CEP72: variants seen among roughly 807,000 people sequenced by gnomAD.
The protein encoded by CEP72 is centrosomal protein 72.
In CEP72, 78 loss-of-function variants were observed where a neutral mutation model predicts 65.7. That is an observed-to-expected ratio of 1.19 (90% CI 0.99 to 1.43). The LOEUF (loss-of-function observed/expected upper bound fraction) is 1.43, where lower values mean the gene tolerates loss of function less well. Among genes scored for constraint, CEP72 ranks in the 40% most tolerant of loss-of-function variants. The probability of loss-of-function intolerance (pLI) is 0.00; values close to 1 mark genes in which losing one functional copy is unlikely to be tolerated. For synonymous variants in CEP72, 358 were observed against 351.7 expected (o/e 1.02, Z -0.20); for missense variants, 914 against 832.9 (o/e 1.10, Z -1.20).
intron 11 of CEP72, among the ~76,000 whole-genome samples, chr5:648,711 T>TG (rs1456267791): frequency 1.0e-4 from 12 of 117,472 alleles, no homozygotes; most frequent in African/African-American, 4.0e-4. Context: ...ATGTGAGGCG[T>TG]GACTGTGAGG....
At chr5:660,050 C>T (rs1391927433), downstream of CEP72, 1 of 152,374 alleles carries the variant, frequency 6.6e-6, no homozygotes, top group Non-Finnish European at 1.5e-5. Flanking sequence ...GGCCACCCCA[C>T]CCCGCGGACG....
chr5:669,843 C>A (rs993396761), downstream of CEP72, among the ~76,000 whole-genome samples: 2 of 152,124 alleles, frequency 1.3e-5, no homozygotes, highest in South Asian at 2.1e-4. Context: ...TCTAGGACAG[C>A]GGTGCCTGCC....
downstream of CEP72, among the ~76,000 whole-genome samples, chr5:669,757 G>T (rs1429411467): frequency 1.3e-5 from 2 of 152,068 alleles, no homozygotes; most frequent in African/African-American, 4.8e-5. Context: ...AGGGCGCCCG[G>T]GTCTCTGCCC....
intron 9 of CEP72, chr5:643,613 G>C (rs114495201): frequency 0.11 from 107,750 of 985,192 alleles, 6,300 homozygotes; most frequent in South Asian, 0.24. Context: ...GCTGGGGCCT[G>C]CTCAGCACCC....
At chr5:635,291 C>A (rs1737509495) in intron 5 of CEP72, 81 bp from the exon 6 acceptor site, 6 of 1,127,686 alleles carry the variant, frequency 5.3e-6, no homozygotes, top group Non-Finnish European at 7.7e-6. Context: ...ATACACTATT[C>A]AGAAGCTTAA....
At chr5:618,189 GTA>G (rs1736118309) in intron 1 of CEP72, among the ~76,000 whole-genome samples, 1 of 152,148 alleles carries the variant, frequency 6.6e-6, no homozygotes, top group Non-Finnish European at 1.5e-5. Flanking sequence ...GGGAGAGGCA[GTA>G]AAGGTGGGAA....
intron 1 of CEP72, 127 bp from the exon 2 acceptor site, chr5:618,854 CAGGAGCCTG>C (rs1314614367): frequency 5.6e-6 from 4 of 715,154 alleles, no homozygotes; most frequent in African/African-American, 5.4e-5. Flanking sequence ...GGAGAAGATT[CAGGAGCCTG>C]AGTAAAGTTG....
In CEP72 at chr5:647,787, T is replaced by A; in HGVS notation, c.1667-18T>A. The A allele has an allele frequency of 6.4e-7, 1 of 1,566,908 alleles. No homozygotes were observed. The highest frequency in any genetic ancestry group is 8.7e-7 in the Non-Finnish European group (1 of 1,148,120). On this transcript the variant is annotated intron_variant, in intron 10 of 11. Transcript: ENST00000264935. ...GTTTTACTCATTAATGGTACTTTTTTTTTTCTTTCTCTTTCAGGACTTCAA... is the reference window on the plus strand; with the variant it reads ...GTTTTACTCATTAATGGTACTTTTTATTTTCTTTCTCTTTCAGGACTTCAA...
At chr5:635,089 C>G (rs572931097) in intron 5 of CEP72, among the ~76,000 whole-genome samples, 3 of 152,278 alleles carry the variant, frequency 2.0e-5, no homozygotes, top group East Asian at 1.9e-4. Flanking sequence ...TCTGGACTCT[C>G]TCTTCTGTTT....
At chr5:656,378 T>C (rs1014763837), downstream of CEP72, among the ~76,000 whole-genome samples, 4 of 152,202 alleles carry the variant, frequency 2.6e-5, no homozygotes, top group East Asian at 1.9e-4. Flanking sequence ...TTGGGAATCA[T>C]TGACGTACTT....
chr5:617,298 A>G (rs568543527), intron 1 of CEP72, among the ~76,000 whole-genome samples: 53 of 152,238 alleles, frequency 3.5e-4, no homozygotes, highest in African/African-American at 1.1e-3. Flanking sequence ...CAGTGGGTCT[A>G]ATATGCGGGA....
At chr5:669,160 G>A (rs1287715928), downstream of CEP72, among the ~76,000 whole-genome samples, 5 of 152,206 alleles carry the variant, frequency 3.3e-5, no homozygotes, top group African/African-American at 1.2e-4. Flanking sequence ...GGGGGCTTTG[G>A]GGAGACAGAG....
rs530371602 is a variant in CEP72, at chr5:641,202, G to A, written c.1539+598G>A. The A allele has an allele frequency of 5.1e-6, 5 of 985,290 alleles. 1 individual carries two copies. In the African/African-American group the frequency reaches 8.7e-5, roughly 17 times the overall value. The allele number at this position is 985,290 out of a possible 1,614,324, so 61.0% of individuals were successfully genotyped here. A position where few individuals can be genotyped will look rare whatever the true frequency, so the allele number is the denominator to read the frequency against. On this transcript the variant is annotated intron_variant, in intron 9 of 11. Coordinates refer to ENST00000264935, the MANE Select transcript of CEP72 (RefSeq NM_018140.4). ...GGGCTGGGGCCACCGTCTCATCTGA[G>A]GCCTCACGGGACAGGATCCTCCCAG... is the stretch of plus-strand genomic sequence containing the variant.
At chr5:642,150 A>G in intron 9 of CEP72, 1 of 904,516 alleles carries the variant, frequency 1.1e-6, no homozygotes, top group Non-Finnish European at 1.3e-6. Flanking sequence ...ATTTGAACAC[A>G]CGTGGTCCCC....
chr5:629,113 G>A (rs931877405), intron 4 of CEP72, among the ~76,000 whole-genome samples: 2 of 152,232 alleles, frequency 1.3e-5, no homozygotes, highest in African/African-American at 4.8e-5. Context: ...ACTGCCCTTG[G>A]GTTTGTTTTG....
At chr5:647,961 C>A in intron 11 of CEP72, 45 bp downstream of exon 11, 3 of 1,409,210 alleles carry the variant, frequency 2.1e-6, no homozygotes, top group Non-Finnish European at 3.0e-6. Context: ...GGGAGGAGGC[C>A]CAGGTACAGG....
chr5:658,716 T>C (rs2126844520), downstream of CEP72, among the ~76,000 whole-genome samples: 1 of 127,446 alleles, frequency 7.8e-6, no homozygotes, highest in East Asian at 2.8e-4. Context: ...TTGCCCAGGC[T>C]GGAGTGCAGT....
chr5:641,641 G>A (rs1320978831), intron 9 of CEP72: 1 of 979,748 alleles, frequency 1.0e-6, no homozygotes, highest in East Asian at 1.2e-4. Flanking sequence ...TTAAACACAT[G>A]TGGGCCTCCT....
rs1396805362 is a variant in CEP72, at chr5:635,573, C to T, written c.893C>T (p.Thr298Ile). Residue 298 changes from threonine to isoleucine, a missense_variant, in exon 6 of 12, where the codon ACC becomes ATC. Transcript: ENST00000264935. ...SRAPRPHTYF[T>I]PHPDSMDTED... is the part of the protein sequence containing the mutation. ...GCCCCCAGGCCACACACGTACTTCA[C>T]CCCACACCCAGGTACTTACGCGTGT... 1.2e-6 allele frequency: 2 copies of T among 1,612,054 alleles called. No homozygotes were observed. Among genetic ancestry groups the T allele is most frequent in the Admixed American group, 1.7e-5 (1 of 60,016 alleles).
Sources: allele counts gnomAD v4.1 joint callset (sites outside exome capture counted in the v4.1 genomes callset), GRCh38; gene constraint gnomAD v4.1.1; transcripts MANE v1.5; gene names NCBI Gene and HGNC (gene_info 2026-07-23, HGNC 2026-07-21).